The following MYT1 variants were observed in gnomAD, a reference collection of about 807,000 sequenced individuals.
MYT1 encodes myelin transcription factor 1.
Under a neutral mutation model 123.0 loss-of-function variants are expected in MYT1, and 23 were observed. That is an observed-to-expected ratio of 0.19 (90% CI 0.13 to 0.26). The LOEUF (loss-of-function observed/expected upper bound fraction) is 0.26, where lower values mean the gene tolerates loss of function less well. Among genes scored for constraint, MYT1 ranks in the 10% least tolerant of loss-of-function variants. The pLI, the probability that MYT1 is intolerant of heterozygous loss-of-function variation, is 1.00. For missense variants in MYT1, 1,125 were observed against 1,472.5 expected (o/e 0.76, Z 3.86); for synonymous variants, 518 against 575.3 (o/e 0.90, Z 1.43).
chr20:64,179,010 C>T (rs113412389), intron 1 of MYT1, among the ~76,000 whole-genome samples: 4 of 140,680 alleles, frequency 2.8e-5, no homozygotes, highest in South Asian at 2.3e-4. Context: ...AGCACTGAGC[C>T]GTTATTCGGT....
rs942118312 is a variant in MYT1 at position 64,192,900 on chromosome 20, T to C, written c.-1+2740T>C. Among the ~76,000 whole-genome samples, 2 of 152,216 alleles carry C rather than the reference T, an allele frequency of 1.3e-5. No homozygotes were observed. The highest frequency in any genetic ancestry group is 4.8e-5 in the African/African-American group (2 of 41,454). ...GGGTGGGTATAAATTCCATTTATGC[T>C]GGAGTTTTTAACAGACGGTTGCAGA... On this transcript the variant is annotated intron_variant, in intron 2 of 22. Coordinates refer to ENST00000328439, the MANE Select transcript of MYT1 (RefSeq NM_004535.3). This position sits in a 1 kb window ranked among gnomAD's most constrained non-coding sequence, Gnocchi z 5.3.
chr20:64,173,439 G>A lies in MYT1; in HGVS notation c.-99+8700G>A, dbSNP rs116496157. Reference sequence around the variant, plus strand: ...GGAGGGAGCCCATACCCCAGTGCCTGTAGTTGTGTCCATTTCCCCTCCCTG... The same window carrying A: ...GGAGGGAGCCCATACCCCAGTGCCTATAGTTGTGTCCATTTCCCCTCCCTG... On this transcript the variant is annotated intron_variant, in intron 1 of 22. Transcript: ENST00000328439. Among the ~76,000 whole-genome samples, 847 of 150,796 alleles carry A rather than the reference G, an allele frequency of 5.6e-3. 9 individuals are homozygous for A. Among genetic ancestry groups the A allele is most frequent in the African/African-American group, 0.02 (809 of 40,520 alleles).
At chr20:64,206,482 CT>C (rs1314912181) in intron 6 of MYT1, among the ~76,000 whole-genome samples, 4 of 152,152 alleles carry the variant, frequency 2.6e-5, no homozygotes, top group African/African-American at 9.7e-5. Context: ...GTCTGTGCCC[CT>C]GAGAGCCCTG....
chr20:64,201,805 A>G (rs1025820262), intron 4 of MYT1, among the ~76,000 whole-genome samples: 7 of 152,206 alleles, frequency 4.6e-5, no homozygotes, highest in Non-Finnish European at 7.3e-5. Context: ...CAGAAAACGC[A>G]CCGTTGTGGT....
chr20:64,213,709 C>T lies in MYT1; in HGVS notation c.1631+62C>T, dbSNP rs535281786. 4.1e-4 allele frequency: 549 copies of T among 1,333,142 alleles called. No individual in the cohort carries two copies. Among genetic ancestry groups the T allele is most frequent in the South Asian group, 5.0e-4 (42 of 84,522 alleles). 82.6% of individuals were successfully genotyped at this position (1,333,142 alleles called of 1,614,324 possible). A position where few individuals can be genotyped will look rare whatever the true frequency, so the allele number is the denominator to read the frequency against. On this transcript the variant is annotated intron_variant, in intron 10 of 22. Coordinates refer to ENST00000328439, the MANE Select transcript of MYT1 (RefSeq NM_004535.3). The surrounding 1 kb of genome is among the most constrained non-coding windows in gnomAD (Gnocchi z 5.6). ...TCCCAAATGCCTGCAGAGGGCTTCT[C>T]AGTCTCCCGCAGGCTGTATGTGCAT...
chr20:64,237,354 G>C lies in MYT1; in HGVS notation c.3057G>C (p.Ser1019=). Residue 1019 remains serine (S), a synonymous_variant, in exon 21 of 23, where the codon TCG becomes TCC. Coordinates refer to ENST00000328439, the MANE Select transcript of MYT1 (RefSeq NM_004535.3). ...TCCGAGACCTGAACGAGTCCAACTC[G>C]GAGATGGAGGCTGCCATGGTGCAGC... ...QEIRDLNESN[S]EMEAAMVQLQ... is the part of the protein sequence containing the mutation. 6.2e-7 allele frequency: 1 copy of C among 1,609,216 alleles called. No individual in the cohort carries two copies. The highest frequency in any genetic ancestry group is 8.5e-7 in the Non-Finnish European group (1 of 1,178,708).
chr20:64,187,532 T>C (rs1185161372), intron 1 of MYT1, among the ~76,000 whole-genome samples: 1 of 152,270 alleles, frequency 6.6e-6, no homozygotes, highest in Admixed American at 6.5e-5. Flanking sequence ...CTGTGGCACG[T>C]GGCCCCGGCA....
At chr20:64,188,669 G>A (rs1185215623) in intron 1 of MYT1, among the ~76,000 whole-genome samples, 1 of 152,168 alleles carries the variant, frequency 6.6e-6, no homozygotes, top group Non-Finnish European at 1.5e-5. Context: ...GTTGAGAATT[G>A]GATTACCTGG....
At chr20:64,211,984 C>A in intron 8 of MYT1, 64 bp from the exon 9 acceptor site, 1 of 1,411,762 alleles carries the variant, frequency 7.1e-7, no homozygotes, top group Non-Finnish European at 1.0e-6. Context: ...GTGCTCCCCA[C>A]ACAGCTGGCG....
At chr20:64,236,724 T>C (rs1984564171) in intron 20 of MYT1, 78 bp downstream of exon 20, 4 of 1,299,324 alleles carry the variant, frequency 3.1e-6, no homozygotes, top group South Asian at 2.4e-5. Context: ...TTTGTGCTGG[T>C]GGGAAGAAGG....
At chr20:64,182,675 C>A (rs1299805641) in intron 1 of MYT1, among the ~76,000 whole-genome samples, 1 of 152,204 alleles carries the variant, frequency 6.6e-6, no homozygotes, top group East Asian at 1.9e-4. Context: ...ACCCAGCCCT[C>A]CCTGGCCTCC....
chr20:64,177,996 C>A (rs907325358), intron 1 of MYT1, among the ~76,000 whole-genome samples: 1 of 152,122 alleles, frequency 6.6e-6, no homozygotes. Flanking sequence ...TGGCTGAGCA[C>A]ATCATGGACT....
rs1304329511 is a variant in MYT1 at position 64,213,098 on chromosome 20, G to C, written c.1518-436G>C. On this transcript the variant is annotated intron_variant, in intron 9 of 22. Coordinates refer to ENST00000328439, the MANE Select transcript of MYT1 (RefSeq NM_004535.3). The surrounding 1 kb of genome is among the most constrained non-coding windows in gnomAD (Gnocchi z 5.6). ...CAGTGCCCAGGCTGTGGTCCAAGTG[G>C]GGCCCTGGGCTGCCCCAGAGCAGCT... is the stretch of plus-strand genomic sequence containing the variant. Among the ~76,000 whole-genome samples the C allele has an allele frequency of 6.6e-6, 1 of 152,042 alleles. No homozygotes were observed. Among genetic ancestry groups the C allele is most frequent in the East Asian group, 1.9e-4 (1 of 5,180 alleles).
At chr20:64,217,022 C>G in intron 10 of MYT1, 45 bp from the exon 11 acceptor site, 1 of 1,567,500 alleles carries the variant, frequency 6.4e-7, no homozygotes, top group Non-Finnish European at 8.8e-7. Flanking sequence ...CACGGGATCC[C>G]CAGGTCCCAT....
intron 1 of MYT1, among the ~76,000 whole-genome samples, chr20:64,178,030 T>A (rs1363854768): frequency 6.6e-6 from 1 of 152,142 alleles, no homozygotes; most frequent in Non-Finnish European, 1.5e-5. Context: ...GGAGCAGTCC[T>A]GGGACAGAGG....
At chr20:64,165,592 C>T (rs1401113774) in intron 1 of MYT1, among the ~76,000 whole-genome samples, 1 of 152,164 alleles carries the variant, frequency 6.6e-6, no homozygotes, top group African/African-American at 2.4e-5. Context: ...TCTCACTGCT[C>T]CTCCTGAGTC....
Position 64,239,927 on chromosome 20 carries a change from GCAC to G in MYT1, c.3237+28_3237+30del, listed in dbSNP as rs755640854. 7.5e-6 allele frequency: 12 copies of G among 1,608,026 alleles called. No individual in the cohort carries two copies. In the South Asian group the frequency reaches 8.8e-5, roughly 12 times the overall value. On this transcript the variant is annotated intron_variant, in intron 22 of 22. Coordinates refer to ENST00000328439, the MANE Select transcript of MYT1 (RefSeq NM_004535.3). ...TGGTAGGCAGCACGCGGGCCTGCCGGCACCACAGCTACCCCCCAGGGTCTCTTC... is the reference window on the plus strand; with the variant it reads ...TGGTAGGCAGCACGCGGGCCTGCCGGCACAGCTACCCCCCAGGGTCTCTTC...
chr20:64,169,895 C>G (rs994880565), intron 1 of MYT1, among the ~76,000 whole-genome samples: 2 of 152,200 alleles, frequency 1.3e-5, no homozygotes, highest in African/African-American at 2.4e-5. Flanking sequence ...GGCAAATTAG[C>G]TTCCCAGGTG....
rs1389163595 is a variant in MYT1, at chr20:64,241,659, C to G, written c.*1211C>G. 6.6e-6 allele frequency: 1 copy of G among 152,440 alleles called. No homozygotes were observed. Among genetic ancestry groups the G allele is most frequent in the Non-Finnish European group, 1.5e-5 (1 of 68,020 alleles). 9.4% of individuals were successfully genotyped at this position (152,440 alleles called of 1,614,324 possible). On this transcript the variant is annotated 3_prime_UTR_variant, in exon 23 of 23. Coordinates refer to ENST00000328439, the MANE Select transcript of MYT1 (RefSeq NM_004535.3). This position sits in a 1 kb window ranked among gnomAD's most constrained non-coding sequence, Gnocchi z 4.2. The stretch of plus-strand genomic sequence containing the variant: ...TTAATTTTATACTATTTCAACTAGA[C>G]CCCACACCAGGGCACCCTAAGAGGG...
Sources: gnomAD v4.1 joint callset for allele counts (sites outside exome capture counted in the v4.1 genomes callset) on GRCh38, gnomAD v4.1.1 for gene constraint, Gnocchi (gnomAD v3.1) non-coding constraint, MANE v1.5 for transcripts, NCBI Gene and HGNC (gene_info 2026-07-23, HGNC 2026-07-21) for gene names.